Variants in PPP2R2D observed in about 807,000 individuals in gnomAD.
PPP2R2D encodes serine/threonine-protein phosphatase 2A 55 kDa regulatory subunit B delta isoform.
A neutral mutation model predicts 31.1 loss-of-function variants in PPP2R2D; 9 were observed. That is an observed-to-expected ratio of 0.29 (90% CI 0.17 to 0.51). PPP2R2D has a LOEUF of 0.51. Ranked by LOEUF, PPP2R2D falls within the 20% of genes least tolerant of loss-of-function variation. PPP2R2D has a pLI of 0.98. For missense variants in PPP2R2D, 391 were observed against 465.6 expected, an observed-to-expected ratio of 0.84 and a Z score of 1.48; for synonymous variants, 179 against 172.6, an observed-to-expected ratio of 1.04 and a Z score of -0.29.
chr10:131,934,437 G>T (rs375570240), intron 2 of PPP2R2D, 21 bp from the exon 3 acceptor site: 2 of 761,134 alleles, frequency 2.6e-6, no homozygotes, highest in Non-Finnish European at 4.9e-6. Context: ...CCGGTAAATC[G>T]CTTCTGTATT....
chr10:131,929,155 C>T (rs2036162060), intron 2 of PPP2R2D, among the ~76,000 whole-genome samples: 1 of 152,132 alleles, frequency 6.6e-6, no homozygotes, highest in Admixed American at 6.5e-5. Flanking sequence ...TTCAGGCACC[C>T]CCTTGGATTT....
intron 2 of PPP2R2D, among the ~76,000 whole-genome samples, chr10:131,927,214 G>A (rs1480040743): frequency 6.6e-6 from 1 of 152,080 alleles, no homozygotes; most frequent in Non-Finnish European, 1.5e-5. Flanking sequence ...GGAGAGGTGT[G>A]AGACAGTCAT....
chr10:131,907,805 A>T (rs1463430674), intron 2 of PPP2R2D, among the ~76,000 whole-genome samples: 1 of 152,026 alleles, frequency 6.6e-6, no homozygotes, highest in Non-Finnish European at 1.5e-5. Flanking sequence ...CTTAACGCTC[A>T]GGAGGCTGGC....
chr10:131,943,175 C>T (rs574690214), intron 5 of PPP2R2D, among the ~76,000 whole-genome samples: 1 of 152,150 alleles, frequency 6.6e-6, no homozygotes, highest in Non-Finnish European at 1.5e-5. Context: ...CACGCCTGAG[C>T]TCTCACCTCT....
At chr10:131,932,750 A>T (rs2036265396) in intron 2 of PPP2R2D, among the ~76,000 whole-genome samples, 2 of 151,504 alleles carry the variant, frequency 1.3e-5, no homozygotes, top group African/African-American at 4.9e-5. Flanking sequence ...AACTGTCTCC[A>T]TCAGATTAAT....
chr10:131,937,497 C>T (rs2036365358), intron 3 of PPP2R2D, among the ~76,000 whole-genome samples: 1 of 151,884 alleles, frequency 6.6e-6, no homozygotes, highest in Non-Finnish European at 1.5e-5. Context: ...CTTTAGAATT[C>T]TCTCCTAGCA....
At chr10:131,940,348 A>G (rs1455007203) in intron 4 of PPP2R2D, among the ~76,000 whole-genome samples, 152 bp downstream of exon 4, 1 of 152,158 alleles carries the variant, frequency 6.6e-6, no homozygotes, top group Non-Finnish European at 1.5e-5. Context: ...TAGGTTGAAA[A>G]TTCAAAGTAT....
intron 2 of PPP2R2D, among the ~76,000 whole-genome samples, chr10:131,904,563 C>T (rs920501536): frequency 1.4e-4 from 22 of 151,846 alleles, no homozygotes; most frequent in Admixed American, 4.6e-4. Context: ...TGCACTGCTG[C>T]TCAGGCTGTA....
At chr10:131,925,502 T>C (rs2036089383) in intron 2 of PPP2R2D, among the ~76,000 whole-genome samples, 2 of 152,248 alleles carry the variant, frequency 1.3e-5, no homozygotes, top group African/African-American at 4.8e-5. Flanking sequence ...GGTATACTTC[T>C]CATATTTCAA....
intron 2 of PPP2R2D, among the ~76,000 whole-genome samples, chr10:131,918,022 G>A (rs2035853647): frequency 3.5e-5 from 5 of 144,644 alleles, no homozygotes; most frequent in Admixed American, 6.9e-5. Flanking sequence ...ATGACACAGT[G>A]TAGGGACCTC....
chr10:131,938,552 C>A (rs2036385120), intron 3 of PPP2R2D, among the ~76,000 whole-genome samples: 1 of 152,196 alleles, frequency 6.6e-6, no homozygotes, highest in African/African-American at 2.4e-5. Flanking sequence ...TCCTCCTGGT[C>A]TTTTTCACTC....
At chr10:131,967,946 G>A in the PPP2R2D span, 2 of 152,320 alleles carry the variant, frequency 1.3e-5, no homozygotes, top group South Asian at 2.1e-4. Context: ...TTTAGTGTAC[G>A]AACTGTACAG....
At chr10:131,936,389 G>A (rs374213540) in intron 3 of PPP2R2D, among the ~76,000 whole-genome samples, 356 of 152,018 alleles carry the variant, frequency 2.3e-3, no homozygotes, top group African/African-American at 7.9e-3. Flanking sequence ...CAGGTGATCC[G>A]CCCACCTCGG....
intron 2 of PPP2R2D, among the ~76,000 whole-genome samples, chr10:131,913,091 C>T (rs937218105): frequency 6.6e-5 from 10 of 152,092 alleles, no homozygotes; most frequent in Non-Finnish European, 7.4e-5. Context: ...GGCACTATCT[C>T]GGCTCACTGC....
chr10:131,924,212 G>C (rs1375129901), intron 2 of PPP2R2D, among the ~76,000 whole-genome samples: 1 of 151,884 alleles, frequency 6.6e-6, no homozygotes, highest in African/African-American at 2.4e-5. Flanking sequence ...TTGTGCTTTT[G>C]GTATTATATG....
chr10:131,954,403 G>A (rs1354258943), intron 8 of PPP2R2D, among the ~76,000 whole-genome samples: 4 of 152,196 alleles, frequency 2.6e-5, no homozygotes, highest in Non-Finnish European at 5.9e-5. Flanking sequence ...CGTAAACATT[G>A]TGTTTTATGT....
At position 131,919,502 on chromosome 10, in the gene PPP2R2D, C is replaced by G. The variant is rs2035918696; in HGVS notation, c.101-14956C>G. On this transcript the variant is annotated intron_variant, in intron 2 of 8. Coordinates refer to ENST00000455566, the MANE Select transcript of PPP2R2D (RefSeq NM_018461.5). ...AATGACACAGTGTTTGTACGGACCTCAGGTGGGTGGAATGACACAGTGTTT... is the reference window on the plus strand; with the variant it reads ...AATGACACAGTGTTTGTACGGACCTGAGGTGGGTGGAATGACACAGTGTTT... Among the ~76,000 whole-genome samples the G allele has an allele frequency of 1.6e-5, 2 of 122,574 alleles. 1 individual carries two copies. The highest frequency in any genetic ancestry group is 6.2e-4 in the East Asian group (2 of 3,232). The allele number at this position is 122,574 out of a possible 152,430, so 80.4% of individuals were successfully genotyped here.
chr10:131,963,097 G>A (rs1055019898), downstream of PPP2R2D, among the ~76,000 whole-genome samples: 20 of 152,152 alleles, frequency 1.3e-4, no homozygotes, highest in African/African-American at 4.1e-4. Flanking sequence ...CCCAGGAGGC[G>A]GAGGTTGCAG....
At chr10:131,901,816 G>A (rs2035503908) in intron 2 of PPP2R2D, among the ~76,000 whole-genome samples, 2 of 152,274 alleles carry the variant, frequency 1.3e-5, no homozygotes, top group South Asian at 4.1e-4. Context: ...TTCATCGGCG[G>A]TGCGCTCTTG....
Sources: gnomAD v4.1 joint callset for allele counts (sites outside exome capture counted in the v4.1 genomes callset) on GRCh38, gnomAD v4.1.1 for gene constraint, MANE v1.5 for transcripts, NCBI Gene and HGNC (gene_info 2026-07-23, HGNC 2026-07-21) for gene names.